The following CCDC146 variants were observed in gnomAD, a reference collection of about 807,000 sequenced individuals.
CCDC146 encodes coiled-coil domain-containing protein 146.
Under a neutral mutation model 119.3 loss-of-function variants are expected in CCDC146, and 92 were observed. The observed-to-expected ratio is 0.77, with a 90% CI of 0.65 to 0.92. CCDC146 has a LOEUF of 0.92. Ranked by LOEUF, CCDC146 falls within the 40% of genes least tolerant of loss-of-function variation. The probability of loss-of-function intolerance (pLI) is 0.00; values close to 1 mark genes in which losing one functional copy is unlikely to be tolerated. For synonymous variants in CCDC146, 372 were observed against 371.8 expected (o/e 1.00, Z -0.01); for missense variants, 1,000 against 1,103.0 (o/e 0.91, Z 1.32).
chr7:77,287,645 C>A, intron 17 of CCDC146, 68 bp downstream of exon 17: 1 of 1,531,776 alleles, frequency 6.5e-7, no homozygotes, highest in Non-Finnish European at 8.9e-7. Context: ...TTCCACAGAC[C>A]GACAGATTTA....
At chr7:77,162,889 G>A (rs1201077389) in intron 1 of CCDC146, among the ~76,000 whole-genome samples, 1 of 151,908 alleles carries the variant, frequency 6.6e-6, no homozygotes, top group African/African-American at 2.4e-5. Context: ...TATTCTAAAG[G>A]TTAAAGTTTT....
At chr7:77,179,643 C>A (rs1032682019) in intron 2 of CCDC146, among the ~76,000 whole-genome samples, 2 of 152,046 alleles carry the variant, frequency 1.3e-5, no homozygotes, top group Non-Finnish European at 2.9e-5. Flanking sequence ...TCATTTAATA[C>A]TGGAGTAGTC....
chr7:77,245,161 G>T (rs1792925140), intron 4 of CCDC146, among the ~76,000 whole-genome samples: 1 of 152,170 alleles, frequency 6.6e-6, no homozygotes, highest in Non-Finnish European at 1.5e-5. Flanking sequence ...TTAAATCTAT[G>T]TTGCAGTAGT....
chr7:77,266,695 C>T (rs1322174869), intron 9 of CCDC146, among the ~76,000 whole-genome samples: 1 of 149,002 alleles, frequency 6.7e-6, no homozygotes. Flanking sequence ...AGTACCCACT[C>T]TGCATTACCT....
At chr7:77,147,594 G>A (rs1009766010) in intron 1 of CCDC146, among the ~76,000 whole-genome samples, 3 of 152,162 alleles carry the variant, frequency 2.0e-5, no homozygotes, top group Non-Finnish European at 2.9e-5. Flanking sequence ...TTTTTGTGTG[G>A]ATGTCCTTTC....
At chr7:77,149,948 A>T (rs1158236226) in intron 1 of CCDC146, among the ~76,000 whole-genome samples, 1 of 152,060 alleles carries the variant, frequency 6.6e-6, no homozygotes, top group Non-Finnish European at 1.5e-5. Context: ...TGAGAATTCA[A>T]TGGGAAGAAG....
At chr7:77,279,626 A>G (rs1278965044) in intron 13 of CCDC146, among the ~76,000 whole-genome samples, 4 of 152,220 alleles carry the variant, frequency 2.6e-5, no homozygotes, top group Non-Finnish European at 5.9e-5. Flanking sequence ...TCCAGACTCA[A>G]ATACCACCCC....
At chr7:77,162,570 T>G (rs1259512894) in intron 1 of CCDC146, among the ~76,000 whole-genome samples, 3 of 152,202 alleles carry the variant, frequency 2.0e-5, no homozygotes, top group African/African-American at 7.2e-5. Context: ...TCAGAACATG[T>G]GATTTTTTCT....
intron 1 of CCDC146, among the ~76,000 whole-genome samples, chr7:77,156,166 G>T (rs2539184): frequency 1.1e-4 from 17 of 152,252 alleles, no homozygotes; most frequent in African/African-American, 3.9e-4. Flanking sequence ...TTACACATGC[G>T]TATAATCTAA....
intron 2 of CCDC146, among the ~76,000 whole-genome samples, chr7:77,180,488 C>T (rs1412811925): frequency 6.6e-6 from 1 of 152,152 alleles, no homozygotes; most frequent in Non-Finnish European, 1.5e-5. Flanking sequence ...TGCTTGAGCT[C>T]AGGAGTTCAA....
intron 17 of CCDC146, among the ~76,000 whole-genome samples, chr7:77,290,774 A>G (rs1793929582): frequency 2.0e-5 from 3 of 152,218 alleles, no homozygotes; most frequent in African/African-American, 7.2e-5. Flanking sequence ...ACCATTAAGG[A>G]GGCAAAATTT....
intron 1 of CCDC146, among the ~76,000 whole-genome samples, chr7:77,134,455 C>T (rs1248473704): frequency 6.6e-6 from 1 of 152,062 alleles, no homozygotes; most frequent in East Asian, 1.9e-4. Flanking sequence ...AATCCAACTA[C>T]AGCAGATCCT....
chr7:77,258,954 C>T (rs748700029), intron 6 of CCDC146, 41 bp from the exon 7 acceptor site: 49 of 1,368,568 alleles, frequency 3.6e-5, no homozygotes, highest in African/African-American at 3.6e-4. Context: ...TGCTTCTAGC[C>T]GAAGACCGCA....
intron 2 of CCDC146, among the ~76,000 whole-genome samples, chr7:77,169,555 G>T (rs574622428): frequency 6.6e-6 from 1 of 152,326 alleles, no homozygotes; most frequent in Admixed American, 6.5e-5. Flanking sequence ...TTATTAGGTG[G>T]CTTTCTACTA....
intron 1 of CCDC146, among the ~76,000 whole-genome samples, 180 bp from the exon 2 acceptor site, chr7:77,167,476 TAG>T (rs761956749): frequency 3.3e-5 from 5 of 152,106 alleles, no homozygotes; most frequent in Admixed American, 1.3e-4. Flanking sequence ...AATGCAACAA[TAG>T]AGAGTGTCTT....
At chr7:77,216,000 C>T (rs1792295355) in intron 2 of CCDC146, among the ~76,000 whole-genome samples, 1 of 151,974 alleles carries the variant, frequency 6.6e-6, no homozygotes, top group African/African-American at 2.4e-5. Context: ...TCCCTAACCC[C>T]CCCACCTTGT....
intron 1 of CCDC146, among the ~76,000 whole-genome samples, chr7:77,160,484 C>T (rs1791244336): frequency 1.3e-5 from 2 of 152,108 alleles, no homozygotes; most frequent in Non-Finnish European, 2.9e-5. Context: ...AGGTCCTTCA[C>T]GTCCCTTGTA....
Position 77,196,839 on chromosome 7 carries a change from G to C in CCDC146, c.156+29015G>C, listed in dbSNP as rs781470633. 1.9e-6 allele frequency: 3 copies of C among 1,613,888 alleles called. No individual in the cohort carries two copies. In the African/African-American group the frequency reaches 4.0e-5, roughly 22 times the overall value. On this transcript the variant is annotated intron_variant, in intron 2 of 18. Transcript: ENST00000285871. This position sits in a 1 kb window ranked among gnomAD's most constrained non-coding sequence, Gnocchi z 4.2. ...GTGCTCCCATCGAGACGTGCCTGCAGCACTGTCCAGCCTCCCCCCATGGTC... is the reference window on the plus strand; with the variant it reads ...GTGCTCCCATCGAGACGTGCCTGCACCACTGTCCAGCCTCCCCCCATGGTC...
rs753344252 is a variant in CCDC146 at position 77,256,339 on chromosome 7, GAGA to G, written c.521_523del (p.Lys174del). The G allele has an allele frequency of 4.5e-5, 71 of 1,589,632 alleles. No individual in the cohort carries two copies. The East Asian group carries it at 5.8e-4, about 13-fold the overall frequency. ...ATCTTCACGACTTTTAAAGGAAATGGAGAAGAAGATGAAAATATTGAGAGAAAG... is the reference window on the plus strand; with the variant it reads ...ATCTTCACGACTTTTAAAGGAAATGGAGAAGATGAAAATATTGAGAGAAAG... On this transcript the variant is annotated inframe_deletion, in exon 6 of 19. Transcript: ENST00000285871.
Sources: allele counts gnomAD v4.1 joint callset (sites outside exome capture counted in the v4.1 genomes callset), GRCh38; gene constraint gnomAD v4.1.1; non-coding constraint Gnocchi (gnomAD v3.1); transcripts MANE v1.5; gene names NCBI Gene and HGNC (gene_info 2026-07-23, HGNC 2026-07-21).